ESRRG: variants seen among roughly 807,000 people sequenced by gnomAD.
ESRRG encodes the protein estrogen-related receptor gamma.
ESRRG carries 13 observed loss-of-function variants against 44.0 expected under a neutral mutation model. The observed-to-expected ratio is 0.30, with a 90% CI of 0.19 to 0.47. The LOEUF is 0.47. Ranked by LOEUF, ESRRG falls within the 20% of genes least tolerant of loss-of-function variation. ESRRG has a pLI of 1.00. For synonymous variants in ESRRG, 215 were observed against 214.6 expected (o/e 1.00, Z -0.02); for missense variants, 395 against 580.6 (o/e 0.68, Z 3.29).
chr1:216,700,123 C>A (rs1282097326), intron 1 of ESRRG, among the ~76,000 whole-genome samples: 1 of 27,622 alleles, frequency 3.6e-5, no homozygotes, highest in Non-Finnish European at 1.5e-4. Context: ...CAGCCCCGCA[C>A]CTTTTTTTTT....
At chr1:216,905,921 T>C (rs2059632241) in intron 2 of ESRRG, among the ~76,000 whole-genome samples, 1 of 152,136 alleles carries the variant, frequency 6.6e-6, no homozygotes, top group African/African-American at 2.4e-5. Flanking sequence ...CTGCTAATTT[T>C]TGTATATTTA....
chr1:216,879,475 A>G (rs572070727), intron 2 of ESRRG, among the ~76,000 whole-genome samples: 69 of 144,232 alleles, frequency 4.8e-4, no homozygotes, highest in Non-Finnish European at 9.4e-4. Flanking sequence ...GAGGGGAAAA[A>G]AAGGCCACCA....
intron 3 of ESRRG, among the ~76,000 whole-genome samples, chr1:216,619,023 C>T (rs896041658): frequency 2.0e-5 from 3 of 152,152 alleles, no homozygotes; most frequent in South Asian, 2.1e-4. Flanking sequence ...ATTAATTTGG[C>T]GAGGCATTCA....
chr1:216,743,709 C>T (rs900037347), intron 2 of ESRRG, among the ~76,000 whole-genome samples: 14 of 152,124 alleles, frequency 9.2e-5, no homozygotes, highest in Admixed American at 6.6e-5. Flanking sequence ...CTGTCACTGT[C>T]GTTGTGATCA....
chr1:216,859,696 G>T (rs2096015400), intron 2 of ESRRG, among the ~76,000 whole-genome samples: 1 of 152,098 alleles, frequency 6.6e-6, no homozygotes, highest in Admixed American at 6.5e-5. Flanking sequence ...TAAATAATTA[G>T]CTGTAGACTG....
intron 2 of ESRRG, among the ~76,000 whole-genome samples, chr1:216,654,369 G>A (rs758703686): frequency 5.3e-5 from 8 of 151,972 alleles, no homozygotes; most frequent in African/African-American, 9.7e-5. Flanking sequence ...GCTCACACCT[G>A]TAATCCAGCA....
chr1:216,844,902 G>T (rs867860148), intron 2 of ESRRG, among the ~76,000 whole-genome samples: 6 of 152,124 alleles, frequency 3.9e-5, no homozygotes, highest in African/African-American at 1.4e-4. Flanking sequence ...AACCAGAATA[G>T]TACCTGGCAC....
intron 2 of ESRRG, among the ~76,000 whole-genome samples, chr1:216,765,354 G>A (rs541390842): frequency 1.2e-4 from 18 of 152,136 alleles, no homozygotes; most frequent in African/African-American, 4.3e-4. Flanking sequence ...ACTGCTATAA[G>A]GACTTTCTAT....
intron 5 of ESRRG, among the ~76,000 whole-genome samples, chr1:216,536,545 C>T (rs2149203980): frequency 6.6e-6 from 1 of 152,182 alleles, no homozygotes; most frequent in East Asian, 1.9e-4. Flanking sequence ...TTCCCTGACT[C>T]AAGTCTCTTT....
intron 2 of ESRRG, among the ~76,000 whole-genome samples, chr1:216,862,044 G>A (rs2096062603): frequency 6.6e-6 from 1 of 152,116 alleles, no homozygotes; most frequent in Non-Finnish European, 1.5e-5. Context: ...ACTAAACTAA[G>A]GATTTGGAGC....
chr1:216,704,388 G>A (rs1433250259), intron 1 of ESRRG, among the ~76,000 whole-genome samples: 1 of 152,096 alleles, frequency 6.6e-6, no homozygotes, highest in African/African-American at 2.4e-5. Flanking sequence ...ATGGTGGTGG[G>A]CACCTGTAAT....
At chr1:216,704,359 CA>C (rs1004426230) in intron 1 of ESRRG, among the ~76,000 whole-genome samples, 1 of 152,016 alleles carries the variant, frequency 6.6e-6, no homozygotes, top group African/African-American at 2.4e-5. Context: ...ACTAAAAATA[CA>C]AAAAAATTTA....
intron 2 of ESRRG, among the ~76,000 whole-genome samples, chr1:216,854,010 T>C (rs1360513161): frequency 6.6e-6 from 1 of 152,104 alleles, no homozygotes; most frequent in Non-Finnish European, 1.5e-5. Flanking sequence ...TCAATTACTT[T>C]GTGAATCAGC....
At chr1:217,115,891 C>T (rs2092719761) in intron 1 of ESRRG, among the ~76,000 whole-genome samples, 2 of 152,110 alleles carry the variant, frequency 1.3e-5, no homozygotes, top group African/African-American at 4.8e-5. Context: ...CATGACTACT[C>T]AGCCCCCAGA....
intron 5 of ESRRG, among the ~76,000 whole-genome samples, chr1:216,539,965 G>T (rs919687880): frequency 3.3e-5 from 5 of 151,882 alleles, no homozygotes; most frequent in South Asian, 4.2e-4. Flanking sequence ...TTTATTAAAA[G>T]AATCTTGAAA....
intron 3 of ESRRG, among the ~76,000 whole-genome samples, chr1:216,631,753 C>A (rs562957706): frequency 1.3e-4 from 20 of 152,202 alleles, no homozygotes; most frequent in African/African-American, 4.8e-4. Flanking sequence ...CAGGTACACA[C>A]ACATACACAC....
intron 2 of ESRRG, among the ~76,000 whole-genome samples, chr1:216,753,175 T>TACACACACACACACAC (rs145640833): frequency 0.16 from 23,904 of 148,738 alleles, 2,248 homozygotes; most frequent in South Asian, 0.27. Flanking sequence ...TATATATTGA[T>TACACACACACACACAC]ACACACACAC....
intron 2 of ESRRG, among the ~76,000 whole-genome samples, chr1:216,917,490 G>A (rs1277410192): frequency 6.6e-6 from 1 of 152,150 alleles, no homozygotes; most frequent in Non-Finnish European, 1.5e-5. Flanking sequence ...ACAGTTAAAC[G>A]TGATAATGAA....
chr1:216,996,043 A>T (rs1035633142), intron 1 of ESRRG, among the ~76,000 whole-genome samples: 10 of 152,206 alleles, frequency 6.6e-5, no homozygotes, highest in African/African-American at 2.2e-4. Context: ...ACAAAAAAAA[A>T]ATTAAGGGCA....
Sources: allele counts gnomAD v4.1 joint callset (sites outside exome capture counted in the v4.1 genomes callset), GRCh38; gene constraint gnomAD v4.1.1; transcripts MANE v1.5; gene names NCBI Gene and HGNC (gene_info 2026-07-23, HGNC 2026-07-21).